Variants in CERS6 observed in about 807,000 individuals in gnomAD.
The protein encoded by CERS6 is LAG1 homolog, ceramide synthase 6.
Under a neutral mutation model 56.8 loss-of-function variants are expected in CERS6, and 26 were observed. That is an observed-to-expected ratio of 0.46 (90% CI 0.34 to 0.63). The LOEUF is 0.63. Ranked by LOEUF, CERS6 falls within the 30% of genes least tolerant of loss-of-function variation. The pLI, the probability that CERS6 is intolerant of heterozygous loss-of-function variation, is 0.01. For synonymous variants in CERS6, 164 were observed against 173.3 expected, an observed-to-expected ratio of 0.95 and a Z score of 0.42; for missense variants, 415 against 467.5, an observed-to-expected ratio of 0.89 and a Z score of 1.04.
intron 1 of CERS6, among the ~76,000 whole-genome samples, chr2:168,502,584 G>C (rs1030100586): frequency 1.3e-5 from 2 of 152,152 alleles, no homozygotes; most frequent in Non-Finnish European, 2.9e-5. Flanking sequence ...GCATCCAAGA[G>C]GGCCAAAACA....
At chr2:168,707,508 T>C (rs1686987453) in intron 6 of CERS6, among the ~76,000 whole-genome samples, 1 of 152,182 alleles carries the variant, frequency 6.6e-6, no homozygotes, top group Non-Finnish European at 1.5e-5. Context: ...GCATAGGCTA[T>C]ACATAAGAAA....
In CERS6 at chr2:168,512,669, C is replaced by CTTT. The variant is rs35756766; in HGVS notation, c.171-34914_171-34912dup. Among the ~76,000 whole-genome samples, 77 of 131,030 alleles carry CTTT rather than the reference C, an allele frequency of 5.9e-4. 1 individual carries two copies. Among genetic ancestry groups the CTTT allele is most frequent in the African/African-American group, 2.0e-3 (73 of 37,022 alleles). 86.0% of individuals were successfully genotyped at this position (131,030 alleles called of 152,430 possible). On this transcript the variant is annotated intron_variant, in intron 1 of 9. Coordinates refer to ENST00000305747, the MANE Select transcript of CERS6 (RefSeq NM_203463.3). ...TTTTTTTCTACAGCTATTTTCTTTT[C>CTTT]TTTTTTTTTTTTTTTAAAGACAGAG...
intron 3 of CERS6, among the ~76,000 whole-genome samples, chr2:168,569,554 T>C (rs1168934756): frequency 6.6e-6 from 1 of 152,254 alleles, no homozygotes; most frequent in African/African-American, 2.4e-5. Context: ...TGTGTGCATA[T>C]ATACTCCTAG....
At chr2:168,727,829 T>C (rs995787295) in intron 8 of CERS6, among the ~76,000 whole-genome samples, 8 of 152,372 alleles carry the variant, frequency 5.3e-5, no homozygotes, top group Admixed American at 2.6e-4. Flanking sequence ...CTATGTTAAA[T>C]ATATTAGAAA....
chr2:168,583,295 A>G (rs1270213723), intron 3 of CERS6, among the ~76,000 whole-genome samples: 4 of 152,180 alleles, frequency 2.6e-5, no homozygotes, highest in Non-Finnish European at 5.9e-5. Flanking sequence ...CCTTTTGGCA[A>G]AGAGAGACTC....
chr2:168,463,634 A>G (rs1693817204), intron 1 of CERS6, among the ~76,000 whole-genome samples: 1 of 152,186 alleles, frequency 6.6e-6, no homozygotes, highest in South Asian at 2.1e-4. Flanking sequence ...GAGGCTGAGC[A>G]CAGTGGCTCA....
At chr2:168,591,851 G>A (rs1361999787) in intron 3 of CERS6, among the ~76,000 whole-genome samples, 1 of 152,212 alleles carries the variant, frequency 6.6e-6, no homozygotes, top group African/African-American at 2.4e-5. Context: ...TAGAGAAGGG[G>A]ACTGTGGAGG....
chr2:168,512,017 A>T (rs1259992346), intron 1 of CERS6, among the ~76,000 whole-genome samples: 1 of 152,240 alleles, frequency 6.6e-6, no homozygotes, highest in African/African-American at 2.4e-5. Context: ...AGGGGATTTG[A>T]ATACATGCTA....
chr2:168,710,112 A>G (rs1423002961), intron 6 of CERS6, among the ~76,000 whole-genome samples: 1 of 152,206 alleles, frequency 6.6e-6, no homozygotes, highest in Non-Finnish European at 1.5e-5. Context: ...GGTGATTTAT[A>G]TGCAAAAAAC....
At position 168,774,506 on chromosome 2, in the gene CERS6, C is replaced by T. The variant is rs1042768275; in HGVS notation, c.*4844C>T. On this transcript the variant is annotated 3_prime_UTR_variant, in exon 10 of 10. Coordinates refer to ENST00000305747, the MANE Select transcript of CERS6 (RefSeq NM_203463.3). ...GATGTCTGTTGCGTGGCCTGGAAAC[C>T]AGGGAGCAGCAACTATTGAGATGGT... is the stretch of plus-strand genomic sequence containing the variant. 2.0e-5 allele frequency: 3 copies of T among 152,088 alleles called. No individual in the cohort carries two copies. The East Asian group carries it at 5.8e-4, about 29-fold the overall frequency. 9.4% of individuals were successfully genotyped at this position (152,088 alleles called of 1,614,324 possible).
At position 168,456,770 on chromosome 2, in the gene CERS6, G is replaced by A. The variant is rs1439698664; in HGVS notation, c.170+152G>A. The A allele has an allele frequency of 2.8e-6, 2 of 705,232 alleles. No individual in the cohort carries two copies. Among genetic ancestry groups the A allele is most frequent in the Non-Finnish European group, 4.6e-6 (2 of 432,070 alleles). 43.7% of individuals were successfully genotyped at this position (705,232 alleles called of 1,614,324 possible). A position where few individuals can be genotyped will look rare whatever the true frequency, so the allele number is the denominator to read the frequency against. ...TCGGGGAGGGGTTGCTGACCCCCCTGCCCCGCTGGCTTTCTGGGAGCCAGA... is the reference window on the plus strand; with the variant it reads ...TCGGGGAGGGGTTGCTGACCCCCCTACCCCGCTGGCTTTCTGGGAGCCAGA... On this transcript the variant is annotated intron_variant, in intron 1 of 9. Coordinates refer to ENST00000305747, the MANE Select transcript of CERS6 (RefSeq NM_203463.3). The surrounding 1 kb of genome is among the most constrained non-coding windows in gnomAD (Gnocchi z 4.1).
chr2:168,564,426 G>A (rs1695848219), intron 3 of CERS6, among the ~76,000 whole-genome samples: 3 of 152,004 alleles, frequency 2.0e-5, no homozygotes, highest in African/African-American at 4.8e-5. Flanking sequence ...CATACACATA[G>A]ACATTTTGTT....
intron 8 of CERS6, among the ~76,000 whole-genome samples, chr2:168,719,277 A>AT (rs1315790604): frequency 6.6e-6 from 1 of 151,912 alleles, no homozygotes; most frequent in African/African-American, 2.4e-5. Flanking sequence ...GAGGTTATAA[A>AT]TTTTTTTTCC....
intron 8 of CERS6, among the ~76,000 whole-genome samples, chr2:168,750,845 T>A (rs1684245500): frequency 6.6e-6 from 1 of 152,204 alleles, no homozygotes; most frequent in African/African-American, 2.4e-5. Flanking sequence ...GTGTGCCAAT[T>A]TATATTCCAA....
rs1350458902 is a variant in CERS6 at position 168,456,708 on chromosome 2, C to T, written c.170+90C>T. The T allele has an allele frequency of 6.1e-6, 8 of 1,311,618 alleles. No homozygotes were observed. Among genetic ancestry groups the T allele is most frequent in the Non-Finnish European group, 8.5e-6 (8 of 944,678 alleles). The allele number at this position is 1,311,618 out of a possible 1,614,324, so 81.2% of individuals were successfully genotyped here. On this transcript the variant is annotated intron_variant, in intron 1 of 9. Coordinates refer to ENST00000305747, the MANE Select transcript of CERS6 (RefSeq NM_203463.3). The surrounding 1 kb of genome is among the most constrained non-coding windows in gnomAD (Gnocchi z 4.1). ...CGCTCTCTGGCGCACGCCCCCGCGC[C>T]CCCAACGCTCGCGTTCACGCCTCCC...
intron 1 of CERS6, among the ~76,000 whole-genome samples, chr2:168,472,428 G>C (rs1354213478): frequency 6.6e-6 from 1 of 152,210 alleles, no homozygotes; most frequent in Non-Finnish European, 1.5e-5. Flanking sequence ...TTAAGGAATA[G>C]TAGGTTCCTT....
chr2:168,544,518 T>G (rs1472659765), intron 1 of CERS6, among the ~76,000 whole-genome samples: 1 of 152,152 alleles, frequency 6.6e-6, no homozygotes, highest in Non-Finnish European at 1.5e-5. Flanking sequence ...GGGATGCACC[T>G]GTTACACCAA....
At position 168,478,273 on chromosome 2, in the gene CERS6, C is replaced by T. The variant is rs536868826; in HGVS notation, c.170+21655C>T. On this transcript the variant is annotated intron_variant, in intron 1 of 9. Transcript: ENST00000305747. ...TCTTAATCCTGTTTTGGTCACTGTA[C>T]TCAGTGTCCCAAAAGCCAGGTCCTC... 7.2e-5 allele frequency among the ~76,000 whole-genome samples: 11 copies of T among 152,250 alleles called. 2 individuals are homozygous for T. The highest frequency in any genetic ancestry group is 6.5e-4 in the Admixed American group (10 of 15,284).
intron 1 of CERS6, among the ~76,000 whole-genome samples, chr2:168,539,577 A>G (rs1407729565): frequency 3.3e-5 from 5 of 152,238 alleles, no homozygotes; most frequent in Non-Finnish European, 7.3e-5. Flanking sequence ...TTAACAATAT[A>G]CAGTCATGCA....
Sources: allele counts gnomAD v4.1 joint callset (sites outside exome capture counted in the v4.1 genomes callset), GRCh38; gene constraint gnomAD v4.1.1; non-coding constraint Gnocchi (gnomAD v3.1); transcripts MANE v1.5; gene names NCBI Gene and HGNC (gene_info 2026-07-23, HGNC 2026-07-21).